The following PSG8 variants were observed in gnomAD, a reference collection of about 807,000 sequenced individuals.
PSG8 encodes pregnancy specific beta-1-glycoprotein 8, also known as pregnancy-specific beta-1-glycoprotein 8.
Under a neutral mutation model 42.5 loss-of-function variants are expected in PSG8, and 57 were observed. The observed-to-expected ratio is 1.34, with a 90% CI of 1.08 to 1.67. The LOEUF is 1.67. PSG8 is among the 40% of genes most tolerant of loss of function. PSG8 has a pLI of 0.00. For synonymous variants in PSG8, 280 were observed against 196.8 expected, an observed-to-expected ratio of 1.42 and a Z score of -3.54; for missense variants, 783 against 518.6, an observed-to-expected ratio of 1.51 and a Z score of -4.95.
At chr19:42,753,130 C>T, downstream of PSG8, 2 of 656,504 alleles carry the variant, frequency 3.0e-6, no homozygotes, top group Non-Finnish European at 2.8e-6. Flanking sequence ...GAAAAACTGT[C>T]CACAGTGTGA....
intron 3 of PSG8, among the ~76,000 whole-genome samples, chr19:42,757,034 A>T (rs1223489902): frequency 1.3e-5 from 2 of 152,066 alleles, no homozygotes; most frequent in Non-Finnish European, 2.9e-5. Flanking sequence ...TGTAGTTTTC[A>T]GGGTATAATC....
At chr19:42,764,473 C>T (rs1568381093) in intron 1 of PSG8, among the ~76,000 whole-genome samples, 192 bp from the exon 2 acceptor site, 3 of 151,882 alleles carry the variant, frequency 2.0e-5, no homozygotes, top group Admixed American at 2.0e-4. Context: ...GTGTGTCCTA[C>T]TATCCTACTA....
At chr19:42,755,407 A>T in intron 3 of PSG8, 141 bp from the exon 4 acceptor site, 4 of 1,460,340 alleles carry the variant, frequency 2.7e-6, no homozygotes, top group Non-Finnish European at 3.7e-6. Flanking sequence ...GTGTCACAAG[A>T]CAGATGCATG....
At chr19:42,753,848 G>A (rs1322378236), downstream of PSG8, 8 of 454,922 alleles carry the variant, frequency 1.8e-5, no homozygotes, top group Admixed American at 3.6e-5. Context: ...GTGCAAATAT[G>A]TGTATTACCA....
intron 3 of PSG8, among the ~76,000 whole-genome samples, chr19:42,757,575 ATGG>A (rs1969958138): frequency 1.3e-5 from 2 of 152,120 alleles, no homozygotes; most frequent in African/African-American, 2.4e-5. Flanking sequence ...TGAGGAGGAA[ATGG>A]TGGGGGCATC....
At chr19:42,753,306 T>A (rs1006720785), downstream of PSG8, 16 of 780,312 alleles carry the variant, frequency 2.1e-5, no homozygotes, top group Non-Finnish European at 3.8e-5. Flanking sequence ...ACAGAGTGGG[T>A]CTTTTTCTTA....
chr19:42,764,415 C>G (rs1970163257), intron 1 of PSG8, 134 bp from the exon 2 acceptor site: 12 of 1,321,808 alleles, frequency 9.1e-6, no homozygotes, highest in South Asian at 9.0e-5. Context: ...CAAACACACG[C>G]ACACACACAC....
chr19:42,763,127 A>G lies in PSG8; in HGVS notation c.430+789T>C, dbSNP rs1197893499. 9.2e-5 allele frequency among the ~76,000 whole-genome samples: 14 copies of G among 152,272 alleles called. 1 individual carries two copies. Among genetic ancestry groups the G allele is most frequent in the Admixed American group, 3.9e-4 (6 of 15,292 alleles). On this transcript the variant is annotated intron_variant, in intron 2 of 4. Transcript: ENST00000306511. ...TTGGCACAGTGGAGGTTTCACACAA[A>G]TAGCATTTATTATTAATTTGCTTCC...
At chr19:42,765,183 C>G (rs949995291) in intron 1 of PSG8, among the ~76,000 whole-genome samples, 4 of 148,446 alleles carry the variant, frequency 2.7e-5, no homozygotes, top group African/African-American at 1.0e-4. Flanking sequence ...GATGGAGTCT[C>G]ATACTGTCTC....
At chr19:42,764,416 A>G (rs1416373003) in intron 1 of PSG8, 135 bp from the exon 2 acceptor site, 24 of 1,321,034 alleles carry the variant, frequency 1.8e-5, no homozygotes, top group East Asian at 4.8e-5. Context: ...AAACACACGC[A>G]CACACACACA....
At chr19:42,763,883 C>G (rs775542496) in intron 2 of PSG8, 33 bp downstream of exon 2, 18 of 1,613,506 alleles carry the variant, frequency 1.1e-5, no homozygotes, top group Admixed American at 1.7e-5. Flanking sequence ...ACCCCTGTCC[C>G]CCAACACCCA....
intron 3 of PSG8, among the ~76,000 whole-genome samples, chr19:42,757,070 C>T (rs2107515): frequency 5.2e-4 from 79 of 151,862 alleles, no homozygotes; most frequent in African/African-American, 1.3e-3. Flanking sequence ...TAAACTTATT[C>T]CAAAATATTT....
At position 42,754,371 on chromosome 19, in the gene PSG8, C is replaced by G. The variant is rs1222942685; in HGVS notation, c.1205G>C (p.Gly402Ala). Residue 402 changes from glycine to alanine, a missense_variant, in exon 5 of 5, where the codon GGC becomes GCC. Transcript: ENST00000306511. ...TGTCATGGATTTGGAGCTTTCCTTGCCAGTGGCTGAGTTACGAACAGAGCA... is the reference window on the plus strand; with the variant it reads ...TGTCATGGATTTGGAGCTTTCCTTGGCAGTGGCTGAGTTACGAACAGAGCA... Reference protein sequence around the residue: ...YACSVRNSATGKESSKSMTVK... With the variant: ...YACSVRNSATAKESSKSMTVK... The G allele has an allele frequency of 1.2e-6, 2 of 1,613,780 alleles. No homozygotes were observed. The highest frequency in any genetic ancestry group is 4.5e-5 in the East Asian group (2 of 44,878).
At chr19:42,757,770 C>G (rs1320927444) in intron 3 of PSG8, among the ~76,000 whole-genome samples, 2 of 152,162 alleles carry the variant, frequency 1.3e-5, no homozygotes, top group African/African-American at 4.8e-5. Flanking sequence ...CTGTTTCTCC[C>G]ATCACAAGCT....
chr19:42,757,229 G>T (rs913704382), intron 3 of PSG8, among the ~76,000 whole-genome samples: 1 of 152,006 alleles, frequency 6.6e-6, no homozygotes, highest in Non-Finnish European at 1.5e-5. Flanking sequence ...CATATTCCCT[G>T]TCCTGGGTTT....
intron 2 of PSG8, among the ~76,000 whole-genome samples, chr19:42,762,991 C>T (rs1163069040): frequency 2.0e-5 from 3 of 152,106 alleles, no homozygotes; most frequent in South Asian, 2.1e-4. Context: ...ACTGTGTCTT[C>T]CTGTACCTCA....
chr19:42,764,508 C>G (rs1045019426), intron 1 of PSG8, among the ~76,000 whole-genome samples: 17 of 151,956 alleles, frequency 1.1e-4, no homozygotes, highest in Non-Finnish European at 2.5e-4. Context: ...CCATGACCCC[C>G]ATTCCTTCAA....
At chr19:42,764,581 T>A (rs868742775) in intron 1 of PSG8, among the ~76,000 whole-genome samples, 29 of 152,110 alleles carry the variant, frequency 1.9e-4, no homozygotes, top group African/African-American at 6.3e-4. Flanking sequence ...CATGGCCCCC[T>A]CCACACTGCC....
Position 42,764,254 on chromosome 19 carries a change from G to A in PSG8, c.92C>T (p.Pro31Leu). 3 of 1,613,558 alleles carry A rather than the reference G, an allele frequency of 1.9e-6. No homozygotes were observed. Among genetic ancestry groups the A allele is most frequent in the South Asian group, 1.1e-5 (1 of 91,052 alleles). ...TTCAATCGTGACTTGGGCAGTCGTG[G>A]GTGGGTTCCAGAAGTTTAAAAGTGA... ...TASLLNFWNPPTTAQVTIEAQ... is the reference protein window; with the variant it reads ...TASLLNFWNPLTTAQVTIEAQ... The change falls in exon 2 of 5, where the codon CCC (proline) becomes CTC (leucine). Residue 31 changes from proline to leucine, a missense_variant. By Grantham distance (98) the Pro-to-Leu change is moderately conservative. Transcript: ENST00000306511.
Sources: allele counts gnomAD v4.1 joint callset (sites outside exome capture counted in the v4.1 genomes callset), GRCh38; gene constraint gnomAD v4.1.1; transcripts MANE v1.5; gene names NCBI Gene and HGNC (gene_info 2026-07-23, HGNC 2026-07-21).